DRAM2: variants seen among roughly 807,000 people sequenced by gnomAD.
DRAM2 encodes the protein DNA damage-regulated autophagy modulator protein 2.
DRAM2 carries 26 observed loss-of-function variants against 33.5 expected under a neutral mutation model. The ratio of observed to expected loss-of-function variants is 0.78; its 90% CI spans 0.57 to 1.08. The LOEUF (loss-of-function observed/expected upper bound fraction) is 1.08. Among genes scored for constraint, DRAM2 ranks in the 50% least tolerant of loss-of-function variants. The pLI, the probability that DRAM2 is intolerant of heterozygous loss-of-function variation, is 0.00. For missense variants in DRAM2, 311 were observed against 318.1 expected (o/e 0.98, Z 0.17); for synonymous variants, 98 against 109.5 (o/e 0.89, Z 0.66).
At chr1:111,129,495 GAAGTTT>G (rs1651646144) in intron 4 of DRAM2, among the ~76,000 whole-genome samples, 1 of 152,086 alleles carries the variant, frequency 6.6e-6, no homozygotes, top group Non-Finnish European at 1.5e-5. Context: ...CTTTTATAGA[GAAGTTT>G]AAGTCTCAAT....
intron 3 of DRAM2, among the ~76,000 whole-genome samples, chr1:111,134,516 C>A (rs879807795): frequency 6.6e-6 from 1 of 152,292 alleles, no homozygotes; most frequent in Non-Finnish European, 1.5e-5. Context: ...CAGTCCTTAA[C>A]ATCCCATCAA....
chr1:111,140,040 T>C lies in DRAM2; in HGVS notation c.-247A>G, dbSNP rs1012620409. The C allele has an allele frequency of 6.6e-6, 1 of 152,490 alleles. No homozygotes were observed. Among genetic ancestry groups the C allele is most frequent in the African/African-American group, 2.4e-5 (1 of 41,450 alleles). 9.4% of individuals were successfully genotyped at this position (152,490 alleles called of 1,614,324 possible). ...CCTTCTCCCCTACTTCGACTTACCT[T>C]ACCAGACCGACTAGCGCTGGCCGCT... On this transcript the variant is annotated splice_region_variant and 5_prime_UTR_variant, in exon 1 of 10. Coordinates refer to ENST00000484310, the MANE Select transcript of DRAM2 (RefSeq NM_001349884.2).
At chr1:111,127,040 G>A (rs542666564) in intron 4 of DRAM2, among the ~76,000 whole-genome samples, 15 of 152,232 alleles carry the variant, frequency 9.9e-5, no homozygotes, top group African/African-American at 3.4e-4. Flanking sequence ...AGGACCTTAG[G>A]TTCATCCTTT....
intron 6 of DRAM2, among the ~76,000 whole-genome samples, chr1:111,123,444 G>A (rs1650404100): frequency 6.6e-6 from 1 of 152,126 alleles, no homozygotes; most frequent in Admixed American, 6.5e-5. Context: ...CTTCTGGGTT[G>A]CCATGTTCAT....
intron 3 of DRAM2, among the ~76,000 whole-genome samples, chr1:111,133,774 G>A (rs1652613665): frequency 6.6e-6 from 1 of 152,190 alleles, no homozygotes; most frequent in Non-Finnish European, 1.5e-5. Flanking sequence ...ATTTCTTATA[G>A]ATCTTCAAAT....
At chr1:111,131,872 C>T (rs545638108) in intron 3 of DRAM2, among the ~76,000 whole-genome samples, 6 of 152,286 alleles carry the variant, frequency 3.9e-5, no homozygotes, top group Non-Finnish European at 8.8e-5. Context: ...TCTTCACTGT[C>T]ACTACTTTAC....
At chr1:111,119,038 A>C (rs1199225417) in intron 8 of DRAM2, 141 bp from the exon 9 acceptor site, 1 of 494,968 alleles carries the variant, frequency 2.0e-6, no homozygotes, top group Non-Finnish European at 3.5e-6. Context: ...GGCATATAAT[A>C]TCTCTAGAAT....
chr1:111,118,549 C>A, intron 9 of DRAM2: 1 of 486,918 alleles, frequency 2.1e-6, no homozygotes, highest in Non-Finnish European at 3.6e-6. Flanking sequence ...GAATCGATAA[C>A]AAATTCTATG....
At chr1:111,123,764 ACT>A (rs1650473707) in intron 6 of DRAM2, among the ~76,000 whole-genome samples, 1 of 151,582 alleles carries the variant, frequency 6.6e-6, no homozygotes, top group Non-Finnish European at 1.5e-5. Context: ...ATGAGTTCTC[ACT>A]CTATTCATTC....
intron 2 of DRAM2, among the ~76,000 whole-genome samples, chr1:111,138,083 T>C (rs977828241): frequency 1.3e-5 from 2 of 152,194 alleles, no homozygotes; most frequent in African/African-American, 4.8e-5. Flanking sequence ...TGGAGTGGAG[T>C]AGAATAAGCA....
chr1:111,134,299 A>G (rs325935), intron 3 of DRAM2, among the ~76,000 whole-genome samples: 7,452 of 151,648 alleles, frequency 0.049, 31 homozygotes, highest in East Asian at 0.11. Flanking sequence ...GTATCTTCTC[A>G]TATTTTTTTG....
At chr1:111,138,214 G>C (rs1168614609) in intron 2 of DRAM2, among the ~76,000 whole-genome samples, 1 of 152,174 alleles carries the variant, frequency 6.6e-6, no homozygotes, top group Non-Finnish European at 1.5e-5. Context: ...TATCTCCTTA[G>C]GCTTTGAGAG....
At chr1:111,123,959 A>G (rs1650516397) in intron 6 of DRAM2, among the ~76,000 whole-genome samples, 1 of 152,194 alleles carries the variant, frequency 6.6e-6, no homozygotes, top group Non-Finnish European at 1.5e-5. Context: ...ACTATGAGCC[A>G]AATAAACCCC....
intron 3 of DRAM2, among the ~76,000 whole-genome samples, chr1:111,133,702 C>T (rs539066290): frequency 3.3e-5 from 5 of 152,314 alleles, no homozygotes; most frequent in South Asian, 2.1e-4. Flanking sequence ...GGTGGAGATA[C>T]GATTCAAACT....
At position 111,135,436 on chromosome 1, in the gene DRAM2, C is replaced by A. The variant is rs11102215; in HGVS notation, c.-15+2087G>T. ...TGCTAGTATACTACTCTAGTTTCAGCTTTTTTATTGTTGTTGTTTAACTTT... is the reference window on the plus strand; with the variant it reads ...TGCTAGTATACTACTCTAGTTTCAGATTTTTTATTGTTGTTGTTTAACTTT... On this transcript the variant is annotated intron_variant, in intron 3 of 9. Coordinates refer to ENST00000484310, the MANE Select transcript of DRAM2 (RefSeq NM_001349884.2). Among the ~76,000 whole-genome samples, 881 of 152,272 alleles carry A rather than the reference C, an allele frequency of 5.8e-3. 12 individuals carry two copies. Among genetic ancestry groups the A allele is most frequent in the African/African-American group, 0.02 (835 of 41,530 alleles).
intron 9 of DRAM2, 25 bp from the exon 10 acceptor site, chr1:111,118,292 A>G (rs757265334): frequency 6.5e-7 from 1 of 1,538,628 alleles, no homozygotes; most frequent in South Asian, 1.1e-5. Flanking sequence ...AAAATTATAT[A>G]TAGAAGTTTG....
intron 9 of DRAM2, 130 bp from the exon 10 acceptor site, chr1:111,118,397 T>A (rs1312890595): frequency 3.1e-6 from 2 of 636,764 alleles, no homozygotes; most frequent in Non-Finnish European, 5.4e-6. Flanking sequence ...ACAGCTGTTT[T>A]ACTGTCAAAG....
intron 6 of DRAM2, among the ~76,000 whole-genome samples, chr1:111,122,075 G>C (rs1227069581): frequency 6.6e-6 from 1 of 152,084 alleles, no homozygotes; most frequent in African/African-American, 2.4e-5. Flanking sequence ...TTGAAAGGTA[G>C]ACATCAGCCA....
chr1:111,126,566 G>A (rs1187723494), intron 4 of DRAM2, among the ~76,000 whole-genome samples: 2 of 152,144 alleles, frequency 1.3e-5, no homozygotes, highest in East Asian at 3.9e-4. Flanking sequence ...TCCTTGGTAT[G>A]TTAAGACTAT....
Sources: gnomAD v4.1 joint callset for allele counts (sites outside exome capture counted in the v4.1 genomes callset) on GRCh38, gnomAD v4.1.1 for gene constraint, MANE v1.5 for transcripts, NCBI Gene and HGNC (gene_info 2026-07-23, HGNC 2026-07-21) for gene names.